The following ZFP64 variants were observed in gnomAD, a reference collection of about 807,000 sequenced individuals.
ZFP64 encodes the protein zinc finger protein 64.
ZFP64 carries 14 observed loss-of-function variants against 51.6 expected under a neutral mutation model. The observed-to-expected ratio is 0.27, with a 90% CI of 0.18 to 0.42. The LOEUF (loss-of-function observed/expected upper bound fraction) is 0.42. ZFP64 is among the 10% of genes least tolerant of loss of function. The probability of loss-of-function intolerance (pLI) is 1.00; values close to 1 mark genes in which losing one functional copy is unlikely to be tolerated. For synonymous variants in ZFP64, 375 were observed against 361.4 expected, an observed-to-expected ratio of 1.04 and a Z score of -0.43; for missense variants, 754 against 906.8, an observed-to-expected ratio of 0.83 and a Z score of 2.16.
At chr20:52,109,799 A>AG (rs1166518055) in intron 5 of ZFP64, among the ~76,000 whole-genome samples, 15 of 151,032 alleles carry the variant, frequency 9.9e-5, no homozygotes, top group African/African-American at 3.7e-4. Flanking sequence ...AAAAAAAAAA[A>AG]AAAGAAAAAA....
chr20:52,104,679 T>C (rs1295779422), intron 5 of ZFP64: 3 of 473,108 alleles, frequency 6.3e-6, no homozygotes, highest in South Asian at 4.6e-5. Flanking sequence ...CTCCCATCCT[T>C]CGGGTCTTCG....
chr20:52,178,457 G>A lies in ZFP64; in HGVS notation c.286+8375C>T, dbSNP rs566748643. ...CTTTATATAGAGTACTTAGAAAAGT[G>A]CATGGCATAGAATGAGCACTGTGTA... On this transcript the variant is annotated intron_variant, in intron 2 of 5. Transcript: ENST00000216923. Among the ~76,000 whole-genome samples the A allele has an allele frequency of 7.9e-5, 12 of 152,302 alleles. 1 individual carries two copies. The South Asian group carries it at 1.7e-3, about 21-fold the overall frequency.
chr20:52,191,469 C>T lies in ZFP64; in HGVS notation c.46+122G>A. ...CGCCGCGGTCCCCGAGACGCGGCTC[C>T]GAGCCGTCACCCCGATTTCGGGGCC... is the stretch of plus-strand genomic sequence containing the variant. On this transcript the variant is annotated intron_variant, in intron 1 of 5. Coordinates refer to ENST00000216923, the MANE Select transcript of ZFP64 (RefSeq NM_018197.3). The surrounding 1 kb of genome is among the most constrained non-coding windows in gnomAD (Gnocchi z 4.3). The T allele has an allele frequency of 8.0e-7, 1 of 1,242,910 alleles. No homozygotes were observed. Among genetic ancestry groups the T allele is most frequent in the Non-Finnish European group, 1.0e-6 (1 of 962,996 alleles). 77.0% of individuals were successfully genotyped at this position (1,242,910 alleles called of 1,614,324 possible).
At chr20:52,114,939 T>C (rs970107117) in intron 5 of ZFP64, among the ~76,000 whole-genome samples, 2 of 152,130 alleles carry the variant, frequency 1.3e-5, no homozygotes, top group African/African-American at 4.8e-5. Context: ...GGCTCATGCC[T>C]GTAATCCCAG....
At chr20:52,178,510 C>T (rs1178062457) in intron 2 of ZFP64, among the ~76,000 whole-genome samples, 1 of 152,158 alleles carries the variant, frequency 6.6e-6, no homozygotes, top group African/African-American at 2.4e-5. Context: ...TTTCCAGATC[C>T]TTCTGGCAAT....
intron 5 of ZFP64, chr20:52,110,295 T>G (rs1978490383): frequency 2.4e-6 from 1 of 411,972 alleles, no homozygotes; most frequent in South Asian, 6.7e-5. Flanking sequence ...GCAGGTTAAC[T>G]CTCCCCTCCC....
downstream of ZFP64, among the ~76,000 whole-genome samples, chr20:52,148,966 G>T (rs1198824848): frequency 2.0e-5 from 3 of 152,196 alleles, no homozygotes; most frequent in Non-Finnish European, 2.9e-5. Flanking sequence ...TGTGACTGAT[G>T]TCGGGTTAAT....
chr20:52,097,493 C>T lies in ZFP64; in HGVS notation c.914-58G>A, dbSNP rs1311291112. 4.0e-5 allele frequency: 61 copies of T among 1,520,192 alleles called. No homozygotes were observed. In the Admixed American group the frequency reaches 5.7e-4, roughly 14 times the overall value. The allele number at this position is 1,520,192 out of a possible 1,614,324, so 94.2% of individuals were successfully genotyped here. ...TTTTGGAGACAGAGTTTTGCTCTGT[C>T]GCCCAGGCTGGAGTGCAGTGGCTCC... On this transcript the variant is annotated intron_variant, in intron 6 of 8. Coordinates refer to the ZFP64 transcript ENST00000361387.
chr20:52,171,902 A>G (rs1046973045), intron 2 of ZFP64, among the ~76,000 whole-genome samples: 1 of 151,672 alleles, frequency 6.6e-6, no homozygotes, highest in Non-Finnish European at 1.5e-5. Flanking sequence ...TGCCTGCCAC[A>G]GTGCCCAGCT....
intron 4 of ZFP64, among the ~76,000 whole-genome samples, chr20:52,163,331 A>G (rs1981981967): frequency 6.6e-6 from 1 of 152,248 alleles, no homozygotes; most frequent in Admixed American, 6.5e-5. Context: ...ATTGCACTCC[A>G]GCCTGGGCAA....
chr20:52,093,951 C>T (rs2078957104), intron 7 of ZFP64, among the ~76,000 whole-genome samples: 1 of 152,142 alleles, frequency 6.6e-6, no homozygotes, highest in Non-Finnish European at 1.5e-5. Flanking sequence ...GATTATATCA[C>T]AATATGATTT....
chr20:52,128,517 G>T (rs1323810557), intron 5 of ZFP64, among the ~76,000 whole-genome samples: 1 of 152,188 alleles, frequency 6.6e-6, no homozygotes, highest in Non-Finnish European at 1.5e-5. Context: ...GATTGATAAA[G>T]ATGGACACAT....
chr20:52,159,818 C>T (rs572863945), intron 5 of ZFP64, among the ~76,000 whole-genome samples: 27 of 152,296 alleles, frequency 1.8e-4, no homozygotes, highest in Admixed American at 1.4e-3. Flanking sequence ...AAAACCCCAT[C>T]TCTACTAAAA....
chr20:52,129,609 C>T (rs1979624257), intron 5 of ZFP64, among the ~76,000 whole-genome samples: 1 of 152,184 alleles, frequency 6.6e-6, no homozygotes, highest in Admixed American at 6.5e-5. Context: ...TTGTGTAACT[C>T]CTATGTAGCA....
chr20:52,164,642 T>A, intron 4 of ZFP64, 53 bp downstream of exon 4: 1 of 1,473,740 alleles, frequency 6.8e-7, no homozygotes, highest in Non-Finnish European at 9.5e-7. Context: ...GATCCCCATC[T>A]CCTAGCACAG....
chr20:52,186,705 T>C (rs1983990024), intron 2 of ZFP64, 127 bp downstream of exon 2: 2 of 1,342,078 alleles, frequency 1.5e-6, no homozygotes, highest in East Asian at 2.4e-5. Flanking sequence ...GTGGAGCTTG[T>C]TAAAAATAAT....
chr20:52,175,070 T>G (rs1402907509), intron 2 of ZFP64, among the ~76,000 whole-genome samples: 1 of 152,188 alleles, frequency 6.6e-6, no homozygotes, highest in Admixed American at 6.5e-5. Flanking sequence ...GAATTTTAAT[T>G]TTTTTCTTGA....
At chr20:52,175,861 G>A in intron 2 of ZFP64, 1 of 238,642 alleles carries the variant, frequency 4.2e-6, no homozygotes, top group Non-Finnish European at 6.1e-6. Flanking sequence ...CACCCCCGCT[G>A]CCGCCCCCGC....
chr20:52,186,687 G>A, intron 2 of ZFP64, 145 bp downstream of exon 2: 1 of 1,161,928 alleles, frequency 8.6e-7, no homozygotes, highest in Non-Finnish European at 1.2e-6. Context: ...TGGGCAGCTG[G>A]CTTCCTGGTG....
Sources: allele counts gnomAD v4.1 joint callset (sites outside exome capture counted in the v4.1 genomes callset), GRCh38; gene constraint gnomAD v4.1.1; non-coding constraint Gnocchi (gnomAD v3.1); transcripts MANE v1.5; gene names NCBI Gene and HGNC (gene_info 2026-07-23, HGNC 2026-07-21).